The following ZIM2 variants were observed in gnomAD, a reference collection of about 807,000 sequenced individuals.
ZIM2 encodes zinc finger imprinted 2.
Under a neutral mutation model 38.6 loss-of-function variants are expected in ZIM2, and 14 were observed. That is an observed-to-expected ratio of 0.36 (90% confidence interval 0.24 to 0.57). The LOEUF (loss-of-function observed/expected upper bound fraction) is 0.57. Ranked by LOEUF, ZIM2 falls within the 20% of genes least tolerant of loss-of-function variation. ZIM2 has a pLI of 0.81. For missense variants in ZIM2, 680 were observed against 695.1 expected (o/e 0.98, Z 0.24); for synonymous variants, 247 against 245.8 (o/e 1.00, Z -0.04).
At chr19:56,810,131 C>A (rs900775295) in intron 9 of ZIM2, 3 of 966,416 alleles carry the variant, frequency 3.1e-6, no homozygotes, top group South Asian at 4.8e-5. Context: ...GATAGAATGA[C>A]CACAACCATA....
intron 3 of ZIM2, chr19:56,824,756 G>A (rs961726487): frequency 2.8e-5 from 32 of 1,140,040 alleles, no homozygotes; most frequent in Non-Finnish European, 2.5e-6. Flanking sequence ...GGATCGTAAG[G>A]AGATATACAC....
At chr19:56,811,263 C>A in intron 9 of ZIM2, 1 of 943,094 alleles carries the variant, frequency 1.1e-6, no homozygotes, top group Non-Finnish European at 1.3e-6. Flanking sequence ...ACAACAACAC[C>A]ACAACAGCTT....
intron 6 of ZIM2, among the ~76,000 whole-genome samples, chr19:56,821,978 C>T (rs1017880033): frequency 4.6e-5 from 7 of 152,094 alleles, no homozygotes; most frequent in African/African-American, 1.2e-4. Context: ...CATCCTTCTG[C>T]TCCCAGTCTC....
At chr19:56,778,476 A>G (rs2046142275) in intron 12 of ZIM2, among the ~76,000 whole-genome samples, 1 of 152,216 alleles carries the variant, frequency 6.6e-6, no homozygotes, top group Non-Finnish European at 1.5e-5. Context: ...CCCGATATGG[A>G]ACAATGAAAA....
chr19:56,796,733 C>T (rs936508407), intron 9 of ZIM2, among the ~76,000 whole-genome samples: 1 of 152,188 alleles, frequency 6.6e-6, no homozygotes, highest in Non-Finnish European at 1.5e-5. Flanking sequence ...CAAATGAAAG[C>T]GTTGCCAGAA....
chr19:56,821,674 T>G lies in ZIM2; in HGVS notation c.271A>C (p.Arg91=). 6.2e-7 allele frequency: 1 copy of G among 1,614,008 alleles called. No individual in the cohort carries two copies. The highest frequency in any genetic ancestry group is 8.5e-7 in the Non-Finnish European group (1 of 1,180,000). Residue 91 remains arginine (R), a synonymous_variant, in exon 7 of 13, where the codon AGG becomes CGG. Transcript: ENST00000629319. ...ACCTGAGATCGGGACTCATAAGCCC[T>G]GGAGTCCCTGTCGTCCTCTCTGTCC... ...EMDREDDRDS[R]AYESRSQDAE... is the part of the protein sequence containing the mutation.
chr19:56,816,449 T>C, intron 9 of ZIM2: 4 of 1,614,010 alleles, frequency 2.5e-6, no homozygotes, highest in Non-Finnish European at 3.4e-6. Context: ...GGAATAAAGG[T>C]TTCCTCACAC....
Position 56,775,013 on chromosome 19 carries a change from G to A in ZIM2, c.1352C>T (p.Ala451Val). ...AAGAAGATGCACATTCTGGAGAAAAGCTTTGCCGCACTGAAAACATTCAAA... is the reference window on the plus strand; with the variant it reads ...AAGAAGATGCACATTCTGGAGAAAAACTTTGCCGCACTGAAAACATTCAAA... Reference protein sequence around the residue: ...DYFECFQCGKAFLQNVHLLQH... With the variant: ...DYFECFQCGKVFLQNVHLLQH... Residue 451 changes from alanine to valine, a missense_variant, in exon 13 of 13, where the codon GCT becomes GTT. Transcript: ENST00000629319. 2.5e-6 allele frequency: 4 copies of A among 1,614,140 alleles called. No homozygotes were observed. The highest frequency in any genetic ancestry group is 3.4e-6 in the Non-Finnish European group (4 of 1,180,012).
intron 9 of ZIM2, chr19:56,811,628 T>C (rs1270573236): frequency 3.0e-6 from 3 of 985,376 alleles, no homozygotes; most frequent in South Asian, 9.4e-5. Context: ...CACCAAGTAA[T>C]GTACCCACAA....
rs551942522 is a variant in ZIM2, at chr19:56,809,826, G to A, written c.490+7920C>T. 7.2e-5 allele frequency among the ~76,000 whole-genome samples: 11 copies of A among 152,036 alleles called. No individual in the cohort carries two copies. In the East Asian group the frequency reaches 1.2e-3, roughly 16 times the overall value. On this transcript the variant is annotated intron_variant, in intron 9 of 12. Transcript: ENST00000629319. ...ACTCAAGTAACTAAGATGTACTTGC[G>A]GTCATTATCAACTTTAAAAAAATTG...
In ZIM2 at chr19:56,817,849, G is replaced by C; in HGVS notation, c.398-11C>G. Reference sequence around the variant, plus strand: ...CAGCAAGCTGCACTCCTGGTCACAAGGACAATATGATGCCTCAAATTCAAG... The same window carrying C: ...CAGCAAGCTGCACTCCTGGTCACAACGACAATATGATGCCTCAAATTCAAG... On this transcript the variant is annotated splice_polypyrimidine_tract_variant and intron_variant, in intron 8 of 12. Coordinates refer to ENST00000629319, the MANE Select transcript of ZIM2 (RefSeq NM_001387356.1). The C allele has an allele frequency of 1.2e-6, 2 of 1,609,738 alleles. No individual in the cohort carries two copies. Among genetic ancestry groups the C allele is most frequent in the South Asian group, 2.2e-5 (2 of 90,744 alleles).
intron 9 of ZIM2, chr19:56,798,300 G>A (rs191951837): frequency 6.6e-6 from 1 of 152,198 alleles, no homozygotes; most frequent in East Asian, 1.9e-4. Flanking sequence ...AAAATACTGA[G>A]GTAAAGGCTT....
chr19:56,786,804 T>C (rs1440443953), intron 10 of ZIM2, among the ~76,000 whole-genome samples: 1 of 152,118 alleles, frequency 6.6e-6, no homozygotes, highest in African/African-American at 2.4e-5. Flanking sequence ...GTTCAAGTAC[T>C]GTACTGTTTT....
In ZIM2 at chr19:56,834,410, C is replaced by T. The variant is rs900172718; in HGVS notation, c.-227+1608G>A. ...ACCCACATCCTCTTGGTTCTGATTC[C>T]GTACTCACCAAGCAACCTTCTCATT... On this transcript the variant is annotated intron_variant, in intron 2 of 12. Transcript: ENST00000629319. Among the ~76,000 whole-genome samples the T allele has an allele frequency of 3.3e-5, 5 of 152,164 alleles. No individual in the cohort carries two copies. In the East Asian group the frequency reaches 5.8e-4, roughly 18 times the overall value.
Position 56,775,200 on chromosome 19 carries a change from A to C in ZIM2, c.1165T>G (p.Cys389Gly). The C allele has an allele frequency of 6.2e-7, 1 of 1,614,158 alleles. No homozygotes were observed. Among genetic ancestry groups the C allele is most frequent in the East Asian group, 2.2e-5 (1 of 44,878 alleles). ...RIHTGKKPYE[C>G]KQCAEAFYLM... ...TAGAAGGCTTCAGCACACTGTTTAC[A>C]TTCATAGGGTTTCTTCCCAGTATGG... Residue 389 changes from cysteine (C) to glycine (G), a missense_variant, in exon 13 of 13, where the codon TGT becomes GGT. Coordinates refer to ENST00000629319, the MANE Select transcript of ZIM2 (RefSeq NM_001387356.1).
intron 1 of ZIM2, among the ~76,000 whole-genome samples, chr19:56,839,354 C>A (rs944302136): frequency 6.6e-6 from 1 of 151,586 alleles, no homozygotes; most frequent in Non-Finnish European, 1.5e-5. Flanking sequence ...CCCTCTGCTA[C>A]CAACCAACCA....
At chr19:56,817,974 T>C in intron 8 of ZIM2, 136 bp from the exon 9 acceptor site, 1 of 663,586 alleles carries the variant, frequency 1.5e-6, no homozygotes, top group Admixed American at 2.4e-5. Context: ...TCAGAAGACA[T>C]TTGCTGTCTC....
chr19:56,797,544 A>T (rs1368033763), intron 9 of ZIM2, among the ~76,000 whole-genome samples: 1 of 152,062 alleles, frequency 6.6e-6, no homozygotes, highest in Non-Finnish European at 1.5e-5. Flanking sequence ...TTGTTCTCTT[A>T]TGCCTGTGAA....
intron 1 of ZIM2, among the ~76,000 whole-genome samples, chr19:56,836,951 G>C (rs1199571670): frequency 2.2e-5 from 3 of 136,026 alleles, no homozygotes; most frequent in Non-Finnish European, 4.6e-5. Context: ...GCCTGGGTGA[G>C]AGGGCCAGAC....
Sources: allele counts gnomAD v4.1 joint callset (sites outside exome capture counted in the v4.1 genomes callset), GRCh38; gene constraint gnomAD v4.1.1; transcripts MANE v1.5; gene names NCBI Gene and HGNC (gene_info 2026-07-23, HGNC 2026-07-21).